SLC24A3: variants seen among roughly 807,000 people sequenced by gnomAD.
SLC24A3 encodes solute carrier family 24 member 3, also known as sodium/potassium/calcium exchanger 3.
SLC24A3 carries 28 observed loss-of-function variants against 75.8 expected under a neutral mutation model. That is an observed-to-expected ratio of 0.37 (90% CI 0.27 to 0.51). The LOEUF (loss-of-function observed/expected upper bound fraction) is 0.51, where lower values mean the gene tolerates loss of function less well. Among genes scored for constraint, SLC24A3 ranks in the 20% least tolerant of loss-of-function variants. The probability of loss-of-function intolerance (pLI) is 0.94; values close to 1 mark genes in which losing one functional copy is unlikely to be tolerated. For synonymous variants in SLC24A3, 372 were observed against 334.1 expected, an observed-to-expected ratio of 1.11 and a Z score of -1.24; for missense variants, 663 against 847.8, an observed-to-expected ratio of 0.78 and a Z score of 2.71.
intron 2 of SLC24A3, among the ~76,000 whole-genome samples, chr20:19,300,082 G>A (rs1435889696): frequency 3.3e-5 from 5 of 152,200 alleles, no homozygotes; most frequent in East Asian, 1.9e-4. Flanking sequence ...CCTCAAAGGC[G>A]ATGGAGTACA....
chr20:19,377,223 C>T (rs985516888), intron 2 of SLC24A3, among the ~76,000 whole-genome samples: 1 of 152,092 alleles, frequency 6.6e-6, no homozygotes, highest in Non-Finnish European at 1.5e-5. Context: ...GTGTCACTTC[C>T]AATTTAGGCA....
chr20:19,602,152 C>T (rs1378274412), intron 6 of SLC24A3, among the ~76,000 whole-genome samples: 3 of 152,032 alleles, frequency 2.0e-5, no homozygotes, highest in Non-Finnish European at 4.4e-5. Flanking sequence ...CCAGCCTGGG[C>T]GACAAGAGCA....
At chr20:19,430,337 C>T (rs906563466) in intron 2 of SLC24A3, among the ~76,000 whole-genome samples, 1 of 152,042 alleles carries the variant, frequency 6.6e-6, no homozygotes, top group Non-Finnish European at 1.5e-5. Flanking sequence ...CTTGGCTCAC[C>T]GCTCAGGCAG....
chr20:19,612,535 GCA>G (rs1305632874), intron 6 of SLC24A3, among the ~76,000 whole-genome samples: 1 of 150,404 alleles, frequency 6.6e-6, no homozygotes, highest in African/African-American at 2.5e-5. Flanking sequence ...CTACAAATAT[GCA>G]CAGTTATTTA....
chr20:19,542,538 T>C (rs2030519142), intron 3 of SLC24A3, among the ~76,000 whole-genome samples: 1 of 152,166 alleles, frequency 6.6e-6, no homozygotes, highest in African/African-American at 2.4e-5. Flanking sequence ...AGAGTATCAG[T>C]AGAATCTGCG....
chr20:19,522,947 CAATTTTGAAATACATAT>C (rs1275665798), intron 3 of SLC24A3, among the ~76,000 whole-genome samples: 1 of 151,950 alleles, frequency 6.6e-6, no homozygotes, highest in Admixed American at 6.6e-5. Context: ...TCTCTTTTAC[CAATTTTGAAATACATAT>C]TATTATTAAC....
chr20:19,329,342 G>A (rs955421430), intron 2 of SLC24A3, among the ~76,000 whole-genome samples: 1 of 152,112 alleles, frequency 6.6e-6, no homozygotes, highest in African/African-American at 2.4e-5. Context: ...TGGCTTTACA[G>A]AGTCTTTTTT....
At chr20:19,443,748 C>T (rs1987333518) in intron 2 of SLC24A3, among the ~76,000 whole-genome samples, 1 of 152,104 alleles carries the variant, frequency 6.6e-6, no homozygotes, top group African/African-American at 2.4e-5. Context: ...TGCCTTACTC[C>T]TGCTGATCTT....
chr20:19,572,168 CT>C (rs980050021), intron 3 of SLC24A3, among the ~76,000 whole-genome samples: 1 of 152,080 alleles, frequency 6.6e-6, no homozygotes, highest in African/African-American at 2.4e-5. Flanking sequence ...GAGGAGCCCC[CT>C]CCCCCTCTAA....
At chr20:19,247,350 A>G (rs1460196870) in intron 1 of SLC24A3, among the ~76,000 whole-genome samples, 1 of 152,230 alleles carries the variant, frequency 6.6e-6, no homozygotes, top group African/African-American at 2.4e-5. Flanking sequence ...TACTTTGCAT[A>G]ATATTTTTTT....
At chr20:19,309,715 G>A (rs1984411329) in intron 2 of SLC24A3, among the ~76,000 whole-genome samples, 1 of 152,202 alleles carries the variant, frequency 6.6e-6, no homozygotes, top group Admixed American at 6.5e-5. Context: ...CAAAAAGAGA[G>A]TTGGAACTTT....
chr20:19,375,187 A>G (rs2122362753), intron 2 of SLC24A3, among the ~76,000 whole-genome samples: 1 of 152,236 alleles, frequency 6.6e-6, no homozygotes. Flanking sequence ...TATACCCCAG[A>G]TTCCTGGGCA....
At chr20:19,622,234 T>C (rs2031813406) in intron 6 of SLC24A3, among the ~76,000 whole-genome samples, 2 of 152,086 alleles carry the variant, frequency 1.3e-5, no homozygotes, top group Non-Finnish European at 2.9e-5. Flanking sequence ...TTCTAAGATG[T>C]ATGGAGAAGG....
intron 1 of SLC24A3, among the ~76,000 whole-genome samples, chr20:19,255,859 G>A (rs1381064765): frequency 1.3e-5 from 2 of 152,148 alleles, no homozygotes; most frequent in Admixed American, 1.3e-4. Flanking sequence ...ACTTTAAGAG[G>A]CCAAGGAGGG....
chr20:19,441,002 A>G (rs1987289472), intron 2 of SLC24A3, among the ~76,000 whole-genome samples: 1 of 151,792 alleles, frequency 6.6e-6, no homozygotes, highest in Non-Finnish European at 1.5e-5. Flanking sequence ...CCGGATCCTG[A>G]GAGTTCGTAA....
At chr20:19,332,421 C>T (rs935366141) in intron 2 of SLC24A3, among the ~76,000 whole-genome samples, 4 of 152,244 alleles carry the variant, frequency 2.6e-5, no homozygotes, top group South Asian at 2.1e-4. Context: ...AGCATGATTC[C>T]GGCACACCAT....
chr20:19,234,571 G>A (rs1982111257), intron 1 of SLC24A3, among the ~76,000 whole-genome samples: 1 of 152,214 alleles, frequency 6.6e-6, no homozygotes. Flanking sequence ...GTAGAAAGGA[G>A]GATGGGTTTC....
chr20:19,593,777 G>A (rs1486663196), intron 6 of SLC24A3, among the ~76,000 whole-genome samples: 1 of 152,286 alleles, frequency 6.6e-6, no homozygotes, highest in African/African-American at 2.4e-5. Context: ...TTCCTTCACA[G>A]CTCAGTGCCC....
chr20:19,688,848 CAT>C (rs1293429922), intron 12 of SLC24A3, among the ~76,000 whole-genome samples: 6 of 152,036 alleles, frequency 3.9e-5, no homozygotes, highest in African/African-American at 1.5e-4. Flanking sequence ...ATTGATATAA[CAT>C]AGTGTTAACA....
Sources: gnomAD v4.1 joint callset for allele counts (sites outside exome capture counted in the v4.1 genomes callset) on GRCh38, gnomAD v4.1.1 for gene constraint, MANE v1.5 for transcripts, NCBI Gene and HGNC (gene_info 2026-07-23, HGNC 2026-07-21) for gene names.